Variants in CLASP1 observed in about 807,000 individuals in gnomAD.
CLASP1 encodes cytoplasmic linker associated protein 1, also known as CLIP-associating protein 1.
CLASP1 carries 38 observed loss-of-function variants against 192.3 expected under a neutral mutation model. That is an observed-to-expected ratio of 0.20 (90% CI 0.15 to 0.26). The LOEUF (loss-of-function observed/expected upper bound fraction) is 0.26. Ranked by LOEUF, CLASP1 falls within the 10% of genes least tolerant of loss-of-function variation. The pLI, the probability that CLASP1 is intolerant of heterozygous loss-of-function variation, is 1.00. For missense variants in CLASP1, 1,433 were observed against 1,932.5 expected (o/e 0.74, Z 4.85); for synonymous variants, 691 against 712.8 (o/e 0.97, Z 0.49).
At chr2:121,500,344 AAAAGAAAGAAAG>A (rs201022141) in intron 8 of CLASP1, among the ~76,000 whole-genome samples, 6,966 of 119,216 alleles carry the variant, frequency 0.058, 316 homozygotes, top group African/African-American at 0.12. Flanking sequence ...GAAAGAAAGA[AAAAGAAAGAAAG>A]AAAGAAAGAA....
intron 2 of CLASP1, among the ~76,000 whole-genome samples, chr2:121,562,365 C>T (rs1305605935): frequency 6.6e-6 from 1 of 152,220 alleles, no homozygotes; most frequent in South Asian, 2.1e-4. Context: ...ATGCTCAGCA[C>T]GTGGCCTAGC....
chr2:121,347,651 C>T (rs1434548812), intron 38 of CLASP1, among the ~76,000 whole-genome samples: 7 of 152,200 alleles, frequency 4.6e-5, no homozygotes, highest in African/African-American at 9.7e-5. Context: ...GCCTGATGTC[C>T]GTGTCCCTTT....
intron 29 of CLASP1, 32 bp downstream of exon 30, chr2:121,398,290 G>A: frequency 6.7e-7 from 1 of 1,489,372 alleles, no homozygotes; most frequent in Non-Finnish European, 9.2e-7. Flanking sequence ...GTGAGTTCCA[G>A]GGTTGAATTG....
intron 34 of CLASP1, among the ~76,000 whole-genome samples, chr2:121,373,324 G>T (rs550025885): frequency 6.6e-6 from 1 of 152,106 alleles, no homozygotes; most frequent in Non-Finnish European, 1.5e-5. Flanking sequence ...CCAGGCCTCC[G>T]GTATAGTCTG....
chr2:121,585,759 C>T (rs990252188), intron 2 of CLASP1, among the ~76,000 whole-genome samples: 1 of 151,974 alleles, frequency 6.6e-6, no homozygotes, highest in African/African-American at 2.4e-5. Context: ...TAGCTGGGCA[C>T]GGTCGTGCGT....
intron 2 of CLASP1, among the ~76,000 whole-genome samples, chr2:121,542,725 A>ATTTT (rs1559566635): frequency 2.0e-5 from 3 of 152,242 alleles, no homozygotes; most frequent in Admixed American, 6.5e-5. Flanking sequence ...AAAATACGTT[A>ATTTT]ATTAATATTG....
chr2:121,601,481 A>T (rs1454771155), intron 2 of CLASP1, among the ~76,000 whole-genome samples: 1 of 152,124 alleles, frequency 6.6e-6, no homozygotes, highest in Admixed American at 6.5e-5. Context: ...CATGTTGGCC[A>T]GGCTAATCTC....
chr2:121,377,654 A>G lies in CLASP1; in HGVS notation c.3492-5T>C. 1 of 1,547,538 alleles carries G rather than the reference A, an allele frequency of 6.5e-7. No individual in the cohort carries two copies. ...TCTGTATCATAGTCCAGCATGCTAA[A>G]GATAAAAAATATTTTATTTCTTAAA... On this transcript the variant is annotated splice_region_variant and splice_polypyrimidine_tract_variant and intron_variant, in intron 33 of 39. Transcript: ENST00000263710.
At chr2:121,452,555 C>G (rs886523812) in intron 14 of CLASP1, among the ~76,000 whole-genome samples, 1 of 151,988 alleles carries the variant, frequency 6.6e-6, no homozygotes, top group Non-Finnish European at 1.5e-5. Flanking sequence ...CTTTAGGAGG[C>G]CAAGGCGGGC....
chr2:121,407,027 C>A (rs1260298215), intron 25 of CLASP1, among the ~76,000 whole-genome samples: 1 of 152,070 alleles, frequency 6.6e-6, no homozygotes, highest in Admixed American at 6.5e-5. Flanking sequence ...ACCAGCTTGG[C>A]CAATATGGTG....
rs188324945 is a variant in CLASP1, at chr2:121,340,794, G to T, written c.*67C>A. 2.1e-5 allele frequency: 25 copies of T among 1,193,276 alleles called. No individual in the cohort carries two copies. In the African/African-American group the frequency reaches 3.2e-4, roughly 15 times the overall value. 73.9% of individuals were successfully genotyped at this position (1,193,276 alleles called of 1,614,324 possible). Reference sequence around the variant, plus strand: ...ACTGACTGGGCAGCCGATGAAGGGGGTGGGGAAAGGTCTCTGAGAGGCACC... The same window carrying T: ...ACTGACTGGGCAGCCGATGAAGGGGTTGGGGAAAGGTCTCTGAGAGGCACC... On this transcript the variant is annotated 3_prime_UTR_variant, in exon 40 of 40. Transcript: ENST00000263710.
chr2:121,534,298 G>C (rs2094981027), intron 2 of CLASP1, among the ~76,000 whole-genome samples: 1 of 152,190 alleles, frequency 6.6e-6, no homozygotes, highest in Admixed American at 6.5e-5. Context: ...CAAATGGCTA[G>C]ACTTTAGGAG....
intron 8 of CLASP1, among the ~76,000 whole-genome samples, chr2:121,486,347 A>G (rs2092970508): frequency 6.6e-6 from 1 of 152,238 alleles, no homozygotes; most frequent in Non-Finnish European, 1.5e-5. Context: ...AAAGTTTGCA[A>G]ACTGATGACT....
At chr2:121,360,438 T>C (rs150726838) in intron 37 of CLASP1, among the ~76,000 whole-genome samples, 12 of 151,806 alleles carry the variant, frequency 7.9e-5, no homozygotes, top group African/African-American at 2.9e-4. Context: ...GATAAGAAAA[T>C]GGAAGGACTA....
exon 35 of CLASP1, chr2:121,367,700 C>A (rs777501878): frequency 6.2e-7 from 1 of 1,613,976 alleles, no homozygotes; most frequent in Non-Finnish European, 8.5e-7. Context: ...GCGCCCGCGG[C>A]CCCGGGAAGG....
At chr2:121,459,491 CCTG>C (rs965484170) in intron 12 of CLASP1, 2 of 153,460 alleles carry the variant, frequency 1.3e-5, no homozygotes, top group African/African-American at 2.4e-5. Flanking sequence ...AATGCCTCCT[CCTG>C]CTGCTGCTGC....
chr2:121,367,763 G>C, exon 35 of CLASP1: 1 of 1,613,864 alleles, frequency 6.2e-7, no homozygotes. Flanking sequence ...GAGCTGTCCG[G>C]CCTCCTTCTA....
At position 121,606,834 on chromosome 2, in the gene CLASP1, G is replaced by A. The variant is rs562588679; in HGVS notation, c.-285-654C>T. Among the ~76,000 whole-genome samples the A allele has an allele frequency of 8.0e-4, 122 of 152,326 alleles. 1 individual carries two copies. The highest frequency in any genetic ancestry group is 2.6e-3 in the African/African-American group (110 of 41,572). On this transcript the variant is annotated intron_variant, in intron 1 of 39. Transcript: ENST00000263710. Reference sequence around the variant, plus strand: ...ACACTTTGGGAGGCCACGGCAGGCCGATCATTTGAGGTCAGGAGTTCGAGA... The same window carrying A: ...ACACTTTGGGAGGCCACGGCAGGCCAATCATTTGAGGTCAGGAGTTCGAGA...
At chr2:121,521,518 C>T (rs562804873) in intron 6 of CLASP1, among the ~76,000 whole-genome samples, 3 of 152,250 alleles carry the variant, frequency 2.0e-5, no homozygotes, top group East Asian at 1.9e-4. Flanking sequence ...AAACTTCCTA[C>T]GTCATGCAGA....
Sources: allele counts gnomAD v4.1 joint callset (sites outside exome capture counted in the v4.1 genomes callset), GRCh38; gene constraint gnomAD v4.1.1; transcripts MANE v1.5; gene names NCBI Gene and HGNC (gene_info 2026-07-23, HGNC 2026-07-21).